NLGN4X: variants seen among roughly 807,000 people sequenced by gnomAD.
NLGN4X encodes the protein neuroligin-4, X-linked.
In NLGN4X, 3 loss-of-function variants were observed where a neutral mutation model predicts 40.3. The observed-to-expected ratio is 0.07, with a 90% CI of 0.03 to 0.19. NLGN4X has a LOEUF of 0.19. Among genes scored for constraint, NLGN4X ranks in the 10% least tolerant of loss-of-function variants. The pLI, the probability that NLGN4X is intolerant of heterozygous loss-of-function variation, is 1.00. For missense variants in NLGN4X, 382 were observed against 708.3 expected, an observed-to-expected ratio of 0.54 and a Z score of 5.23; for synonymous variants, 270 against 306.8, an observed-to-expected ratio of 0.88 and a Z score of 1.25.
intron 2 of NLGN4X, among the ~76,000 whole-genome samples, chrX:6,121,179 C>CACACAT (rs560379115): frequency 2.2e-5 from 2 of 89,351 alleles, no homozygotes; most frequent in African/African-American, 8.1e-5. Flanking sequence ...CACACACACA[C>CACACAT]ATATATATCG....
At chrX:6,193,907 C>T (rs1056914445) in intron 1 of NLGN4X, among the ~76,000 whole-genome samples, 3 of 112,294 alleles carry the variant, frequency 2.7e-5, no homozygotes, top group Non-Finnish European at 5.6e-5. Context: ...GTGAAAAGAA[C>T]CAATCAATCA....
At chrX:6,140,054 T>A (rs1272009736) in intron 2 of NLGN4X, among the ~76,000 whole-genome samples, 1 of 111,510 alleles carries the variant, frequency 9.0e-6, no homozygotes, top group Non-Finnish European at 1.9e-5. Context: ...TGACTGATTA[T>A]GTCATAAAAG....
At chrX:5,996,351 G>A (rs1042441440) in intron 3 of NLGN4X, among the ~76,000 whole-genome samples, 2 of 111,980 alleles carry the variant, frequency 1.8e-5, no homozygotes, top group African/African-American at 3.2e-5. Context: ...CCTTTGGGGC[G>A]TTTTTCTGTG....
rs779168315 is a variant in NLGN4X at position 6,029,386 on chromosome X, A to G, written c.519T>C (p.His173=). ...CGGTGCCCTCCATGTAAGATCCCCC[A>G]TGGATATAGACCATGACGGGCTTCT... ...NSKKPVMVYI[H]GGSYMEGTGN... Residue 173 remains histidine (H), a synonymous_variant, in exon 3 of 6, where the codon CAT becomes CAC. Transcript: ENST00000381095. 2 of 1,210,843 alleles carry G rather than the reference A, an allele frequency of 1.7e-6. No homozygotes were observed. The highest frequency in any genetic ancestry group is 1.1e-6 in the Non-Finnish European group (1 of 894,851).
At chrX:6,189,890 A>AAG (rs113964371) in intron 1 of NLGN4X, among the ~76,000 whole-genome samples, 3,209 of 110,950 alleles carry the variant, frequency 0.029, 125 homozygotes, top group African/African-American at 0.098. Context: ...AAATGGAAAA[A>AAG]AAGAAAGTCG....
In NLGN4X at chrX:6,209,800, T is replaced by C. The variant is rs145726843; in HGVS notation, c.-306+18741A>G. 7.1e-3 allele frequency among the ~76,000 whole-genome samples: 802 copies of C among 112,223 alleles called. 6 individuals carry two copies. The highest frequency in any genetic ancestry group is 0.024 in the African/African-American group (727 of 30,903). ...CATACTTACATTAGCATAAGAATGA[T>C]AGCCAACTATCTATAACTGTATAGA... On this transcript the variant is annotated intron_variant, in intron 1 of 5. Transcript: ENST00000381095.
At chrX:6,049,704 C>T (rs1018461818) in intron 2 of NLGN4X, among the ~76,000 whole-genome samples, 60 of 76,496 alleles carry the variant, frequency 7.8e-4, no homozygotes, top group Non-Finnish European at 1.1e-3. Flanking sequence ...TAAAATTATG[C>T]CTTCTCTACA....
intron 2 of NLGN4X, among the ~76,000 whole-genome samples, chrX:6,032,926 T>C (rs2036909388): frequency 9.0e-6 from 1 of 110,872 alleles, no homozygotes; most frequent in South Asian, 3.7e-4. Context: ...GATAGGGAAA[T>C]GCAAAATGCA....
intron 2 of NLGN4X, among the ~76,000 whole-genome samples, chrX:6,135,484 C>T (rs2039793796): frequency 9.0e-6 from 1 of 111,519 alleles, no homozygotes; most frequent in South Asian, 3.8e-4. Context: ...ATATAAGCAA[C>T]AATGGACATC....
intron 3 of NLGN4X, among the ~76,000 whole-genome samples, chrX:5,927,206 G>A (rs72627585): frequency 0.065 from 7,196 of 111,519 alleles, 239 homozygotes; most frequent in South Asian, 0.19. Flanking sequence ...AAGGAAAGAA[G>A]ATATCATCTG....
At chrX:5,931,109 T>C (rs1471998187) in intron 3 of NLGN4X, among the ~76,000 whole-genome samples, 1 of 112,052 alleles carries the variant, frequency 8.9e-6, no homozygotes, top group African/African-American at 3.2e-5. Flanking sequence ...ATCTATATAG[T>C]GATGGGTTGG....
At chrX:5,901,925 T>C (rs2031894240) in intron 5 of NLGN4X, among the ~76,000 whole-genome samples, 1 of 108,168 alleles carries the variant, frequency 9.2e-6, no homozygotes, top group Admixed American at 1.0e-4. Flanking sequence ...AATATCTATA[T>C]TTTTATATAG....
chrX:6,002,116 T>C (rs1182522277), intron 3 of NLGN4X, among the ~76,000 whole-genome samples: 1 of 111,091 alleles, frequency 9.0e-6, no homozygotes, highest in East Asian at 2.8e-4. Context: ...ACACGTGAGG[T>C]CGAGGCATGG....
chrX:6,018,725 T>C (rs1171045992), intron 3 of NLGN4X, among the ~76,000 whole-genome samples: 1 of 112,062 alleles, frequency 8.9e-6, no homozygotes, highest in Admixed American at 9.5e-5. Context: ...GCCCTATAAC[T>C]GGACACAGCC....
At chrX:6,119,093 T>G (rs1248866401) in intron 2 of NLGN4X, among the ~76,000 whole-genome samples, 1 of 112,217 alleles carries the variant, frequency 8.9e-6, no homozygotes, top group Non-Finnish European at 1.9e-5. Flanking sequence ...TACTCCAAAA[T>G]AACTTCCTTA....
rs386823713 is a variant in NLGN4X at position 6,082,948 on chromosome X, GTTTTTTTC to G, written c.473-53524_473-53517del. Among the ~76,000 whole-genome samples, 314 of 70,330 alleles carry G rather than the reference GTTTTTTTC, an allele frequency of 4.5e-3. 7 individuals are homozygous for G. Among genetic ancestry groups the G allele is most frequent in the African/African-American group, 0.015 (300 of 20,639 alleles). The allele number at this position is 70,330 out of a possible 115,157, so 61.1% of individuals were successfully genotyped here. A position where few individuals can be genotyped will look rare whatever the true frequency, so the allele number is the denominator to read the frequency against. ...AAAAAAAGAGATTTTGCCATGATGC[GTTTTTTTC>G]TTTTTTTTTTTTTTTTTTTTTGAGA... is the stretch of plus-strand genomic sequence containing the variant. On this transcript the variant is annotated intron_variant, in intron 2 of 5. Coordinates refer to ENST00000381095, the MANE Select transcript of NLGN4X (RefSeq NM_181332.3).
chrX:6,206,361 C>T (rs190480119), intron 1 of NLGN4X, among the ~76,000 whole-genome samples: 29 of 111,697 alleles, frequency 2.6e-4, no homozygotes, highest in Admixed American at 1.5e-3. Context: ...ACAATGTATA[C>T]GTACATCCAG....
At chrX:5,962,214 G>A (rs2034684463) in intron 3 of NLGN4X, among the ~76,000 whole-genome samples, 1 of 112,091 alleles carries the variant, frequency 8.9e-6, no homozygotes, top group Non-Finnish European at 1.9e-5. Flanking sequence ...AAGGGCTATG[G>A]AGTCAAATGG....
At chrX:5,900,807 C>T (rs1482976107) in intron 5 of NLGN4X, among the ~76,000 whole-genome samples, 1 of 109,745 alleles carries the variant, frequency 9.1e-6, no homozygotes, top group Non-Finnish European at 1.9e-5. Flanking sequence ...AAACTCTTGG[C>T]CTCCTCAGGT....
Sources: gnomAD v4.1 joint callset for allele counts (sites outside exome capture counted in the v4.1 genomes callset) on GRCh38, gnomAD v4.1.1 for gene constraint, MANE v1.5 for transcripts, NCBI Gene and HGNC (gene_info 2026-07-23, HGNC 2026-07-21) for gene names.